The following SIPA1L1 variants were observed in gnomAD, a reference collection of about 807,000 sequenced individuals.
The protein encoded by SIPA1L1 is signal induced proliferation associated 1 like 1, also known as signal-induced proliferation-associated 1-like protein 1.
SIPA1L1 carries 26 observed loss-of-function variants against 162.7 expected under a neutral mutation model. That is an observed-to-expected ratio of 0.16 (90% confidence interval 0.12 to 0.22). The LOEUF (loss-of-function observed/expected upper bound fraction) is 0.22. Among genes scored for constraint, SIPA1L1 ranks in the 10% least tolerant of loss-of-function variants. SIPA1L1 has a pLI of 1.00. For missense variants in SIPA1L1, 1,874 were observed against 2,241.0 expected, an observed-to-expected ratio of 0.84 and a Z score of 3.31; for synonymous variants, 829 against 837.4, an observed-to-expected ratio of 0.99 and a Z score of 0.17.
At chr14:71,510,369 G>A (rs2051040186) in intron 2 of SIPA1L1, among the ~76,000 whole-genome samples, 1 of 151,742 alleles carries the variant, frequency 6.6e-6, no homozygotes, top group Non-Finnish European at 1.5e-5. Context: ...TGTATTTTTA[G>A]TAGAGACAGG....
chr14:71,497,211 G>C (rs1218302874), intron 2 of SIPA1L1, among the ~76,000 whole-genome samples: 1 of 151,820 alleles, frequency 6.6e-6, no homozygotes, highest in Non-Finnish European at 1.5e-5. Flanking sequence ...AGATCCTACA[G>C]TTTTATTTAT....
chr14:71,467,966 C>G (rs1428236780), intron 2 of SIPA1L1, among the ~76,000 whole-genome samples: 1 of 149,120 alleles, frequency 6.7e-6, no homozygotes. Context: ...ATAGTAAGGA[C>G]AAATGAGTAA....
At chr14:71,686,356 A>G (rs1280095133) in intron 13 of SIPA1L1, among the ~76,000 whole-genome samples, 1 of 152,172 alleles carries the variant, frequency 6.6e-6, no homozygotes, top group African/African-American at 2.4e-5. Flanking sequence ...AAACTGCAGC[A>G]CTTTGAACTA....
At chr14:71,674,751 A>G (rs1014871109) in intron 12 of SIPA1L1, among the ~76,000 whole-genome samples, 2 of 151,346 alleles carry the variant, frequency 1.3e-5, no homozygotes, top group African/African-American at 4.9e-5. Flanking sequence ...TTTTTAGTAG[A>G]GACGGGGTTT....
chr14:71,622,382 A>C (rs981803290), intron 6 of SIPA1L1, among the ~76,000 whole-genome samples: 1 of 152,152 alleles, frequency 6.6e-6, no homozygotes, highest in African/African-American at 2.4e-5. Flanking sequence ...AATATCAGTA[A>C]TACTAGTGAT....
chr14:71,582,239 G>A (rs2034030003), intron 4 of SIPA1L1, among the ~76,000 whole-genome samples: 1 of 152,074 alleles, frequency 6.6e-6, no homozygotes, highest in Non-Finnish European at 1.5e-5. Flanking sequence ...AGAGGCCAAG[G>A]TGGGAGGATC....
chr14:71,361,435 A>G (rs373143550), intron 2 of SIPA1L1, among the ~76,000 whole-genome samples: 4 of 152,182 alleles, frequency 2.6e-5, no homozygotes, highest in African/African-American at 9.7e-5. Flanking sequence ...ATTTACAAAT[A>G]GTGTGTGTGT....
chr14:71,529,284 C>T (rs745771244), intron 3 of SIPA1L1, 28 bp from the exon 4 acceptor site: 1 of 607,632 alleles, frequency 1.6e-6, no homozygotes, highest in Non-Finnish European at 2.9e-6. Flanking sequence ...GTGCACTTAA[C>T]CAGGTTTTTT....
intron 2 of SIPA1L1, among the ~76,000 whole-genome samples, chr14:71,508,200 A>T (rs967472983): frequency 1.1e-4 from 17 of 152,232 alleles, no homozygotes; most frequent in Admixed American, 1.0e-3. Context: ...ACATGATTTT[A>T]AAAAATGGAA....
At chr14:71,418,725 A>G (rs982194966) in intron 2 of SIPA1L1, among the ~76,000 whole-genome samples, 9 of 152,264 alleles carry the variant, frequency 5.9e-5, no homozygotes, top group African/African-American at 2.2e-4. Context: ...AGCATATTTT[A>G]TATATAAGAG....
At chr14:71,592,919 C>G (rs1048616074) in intron 5 of SIPA1L1, among the ~76,000 whole-genome samples, 1 of 152,166 alleles carries the variant, frequency 6.6e-6, no homozygotes, top group Non-Finnish European at 1.5e-5. Flanking sequence ...ATGCCCACTT[C>G]TCTTTGCCAT....
intron 2 of SIPA1L1, among the ~76,000 whole-genome samples, chr14:71,455,341 C>T (rs1378278001): frequency 6.6e-6 from 1 of 152,044 alleles, no homozygotes; most frequent in Non-Finnish European, 1.5e-5. Context: ...TGCTTTTTTT[C>T]ATCCCTTTTC....
intron 2 of SIPA1L1, among the ~76,000 whole-genome samples, chr14:71,419,064 A>T (rs571837469): frequency 1.3e-5 from 2 of 152,186 alleles, no homozygotes; most frequent in African/African-American, 4.8e-5. Context: ...TCAGCCTCTC[A>T]GAGCAGGGGT....
intron 22 of SIPA1L1, chr14:71,735,597 TA>T: frequency 2.0e-6 from 1 of 490,414 alleles, no homozygotes; most frequent in Admixed American, 3.7e-5. Flanking sequence ...TATACGGCCA[TA>T]ATGATGAATA....
intron 5 of SIPA1L1, among the ~76,000 whole-genome samples, chr14:71,595,954 A>G (rs1385184579): frequency 6.6e-6 from 1 of 152,178 alleles, no homozygotes; most frequent in East Asian, 1.9e-4. Context: ...GTCCCTTTAT[A>G]GTCTACCCTG....
chr14:71,703,488 T>C (rs115209482), intron 15 of SIPA1L1, among the ~76,000 whole-genome samples: 225 of 152,324 alleles, frequency 1.5e-3, no homozygotes, highest in African/African-American at 5.1e-3. Flanking sequence ...TCTGAAGATA[T>C]GCTTTGTTCC....
At chr14:71,561,243 G>T (rs2056765370) in intron 4 of SIPA1L1, among the ~76,000 whole-genome samples, 3 of 151,928 alleles carry the variant, frequency 2.0e-5, no homozygotes, top group Admixed American at 2.0e-4. Context: ...AATTGCTTTG[G>T]TGTCACAATG....
intron 2 of SIPA1L1, among the ~76,000 whole-genome samples, chr14:71,354,866 T>C (rs2037089910): frequency 6.6e-6 from 1 of 152,194 alleles, no homozygotes; most frequent in African/African-American, 2.4e-5. Context: ...ATAAATTGTT[T>C]GATAAAAGCC....
In SIPA1L1 at chr14:71,699,122, C is replaced by G. The variant is rs148816885; in HGVS notation, c.3516C>G (p.Pro1172=). Residue 1172 remains proline (P), a synonymous_variant, in exon 14 of 24, where the codon CCC becomes CCG. Transcript: ENST00000381232. The part of the protein sequence containing the change: ...VGGTYRQKSM[P]EGFGVSRRSP... ...GCACTTACAGGCAGAAGTCCATGCCCGAAGGGTAGTTATGCGTTTGTCCCA... is the reference window on the plus strand; with the variant it reads ...GCACTTACAGGCAGAAGTCCATGCCGGAAGGGTAGTTATGCGTTTGTCCCA... The G allele has an allele frequency of 5.8e-5, 93 of 1,613,912 alleles. No individual in the cohort carries two copies. Among genetic ancestry groups the G allele is most frequent in the Non-Finnish European group, 7.5e-5 (89 of 1,179,890 alleles).
Sources: gnomAD v4.1 joint callset for allele counts (sites outside exome capture counted in the v4.1 genomes callset) on GRCh38, gnomAD v4.1.1 for gene constraint, MANE v1.5 for transcripts, NCBI Gene and HGNC (gene_info 2026-07-23, HGNC 2026-07-21) for gene names.